The following NUDT2 variants were observed in gnomAD, a reference collection of about 807,000 sequenced individuals.
NUDT2 encodes nudix hydrolase 2, also known as bis(5'-nucleosyl)-tetraphosphatase [asymmetrical].
In NUDT2, 12 loss-of-function variants were observed where a neutral mutation model predicts 14.2. That is an observed-to-expected ratio of 0.84 (90% CI 0.54 to 1.37). The LOEUF is 1.37. Among genes scored for constraint, NUDT2 ranks in the 40% most tolerant of loss-of-function variants. The pLI is 0.00. For synonymous variants in NUDT2, 67 were observed against 67.4 expected, an observed-to-expected ratio of 0.99 and a Z score of 0.03; for missense variants, 167 against 176.7, an observed-to-expected ratio of 0.95 and a Z score of 0.31.
chr9:34,343,111 T>G lies in NUDT2; in HGVS notation c.128-13T>G, dbSNP rs1207703805. On this transcript the variant is annotated splice_polypyrimidine_tract_variant and intron_variant, in intron 4 of 4. Coordinates refer to ENST00000379158, the MANE Select transcript of NUDT2 (RefSeq NM_001161.5). ...ATTTCCTCCTCCTTTTCTTCCTCTT[T>G]TCTCCTAACTAGGCCATGTGGAACC... The G allele has an allele frequency of 6.3e-7, 1 of 1,578,234 alleles. No homozygotes were observed. The highest frequency in any genetic ancestry group is 1.4e-5 in the African/African-American group (1 of 73,576).
chr9:34,338,137 A>G (rs1007389876), intron 2 of NUDT2, among the ~76,000 whole-genome samples: 2 of 138,822 alleles, frequency 1.4e-5, no homozygotes, highest in African/African-American at 5.4e-5. Flanking sequence ...TCTAGGCAAC[A>G]TAGTAAGTCC....
rs918478426 is a variant in NUDT2 at position 34,343,541 on chromosome 9, A to G, written c.*101A>G. The G allele has an allele frequency of 4.0e-5, 44 of 1,098,752 alleles. 1 individual carries two copies. The East Asian group carries it at 4.2e-4, about 10-fold the overall frequency. 68.1% of individuals were successfully genotyped at this position (1,098,752 alleles called of 1,614,324 possible). On this transcript the variant is annotated 3_prime_UTR_variant, in exon 5 of 5. Transcript: ENST00000379158. ...GGAAGGTTGTGCTGGTATTTGGCTCATGACAGCCAAGAGCAGATTTGTGAA... is the reference window on the plus strand; with the variant it reads ...GGAAGGTTGTGCTGGTATTTGGCTCGTGACAGCCAAGAGCAGATTTGTGAA...
At chr9:34,339,363 T>G (rs1838178531) in intron 4 of NUDT2, among the ~76,000 whole-genome samples, 197 bp downstream of exon 4, 1 of 152,152 alleles carries the variant, frequency 6.6e-6, no homozygotes, top group Non-Finnish European at 1.5e-5. Context: ...GTGACTGAAT[T>G]CCAGGGTAGA....
chr9:34,337,580 G>A (rs1164771859), intron 2 of NUDT2, among the ~76,000 whole-genome samples: 3 of 152,278 alleles, frequency 2.0e-5, no homozygotes, highest in South Asian at 4.2e-4. Context: ...GTGAGAAACC[G>A]CTATTCTCTA....
rs144168797 is a variant in NUDT2 at position 34,337,257 on chromosome 9, C to T, written c.-152+916C>T. ...TCAGGTGATCTACCCGCCTTGGCCT[C>T]CCAAAGTGCTGGGATTACAGGCATG... On this transcript the variant is annotated intron_variant, in intron 2 of 4. Coordinates refer to ENST00000379158, the MANE Select transcript of NUDT2 (RefSeq NM_001161.5). Among the ~76,000 whole-genome samples, 482 of 152,260 alleles carry T rather than the reference C, an allele frequency of 3.2e-3. 2 individuals carry two copies. Among genetic ancestry groups the T allele is most frequent in the African/African-American group, 0.011 (460 of 41,544 alleles).
At chr9:34,331,644 G>T (rs974489674) in intron 1 of NUDT2, among the ~76,000 whole-genome samples, 1 of 152,138 alleles carries the variant, frequency 6.6e-6, no homozygotes, top group Non-Finnish European at 1.5e-5. Flanking sequence ...AATTTTCACC[G>T]TGGTCTTGGT....
chr9:34,337,064 G>A (rs983867423), intron 2 of NUDT2, among the ~76,000 whole-genome samples: 3 of 136,240 alleles, frequency 2.2e-5, no homozygotes, highest in South Asian at 2.4e-4. Context: ...CAGTGGCCCC[G>A]TCTCGGCTCA....
rs533635585 is a variant in NUDT2 at position 34,334,298 on chromosome 9, T to G, written c.-264-1931T>G. 1.8e-4 allele frequency among the ~76,000 whole-genome samples: 27 copies of G among 152,316 alleles called. No homozygotes were observed. The East Asian group carries it at 5.0e-3, about 28-fold the overall frequency. On this transcript the variant is annotated intron_variant, in intron 1 of 4. Transcript: ENST00000379158. ...TAGCTTCTAGAACCTTCTAATGACA[T>G]TGAAGGTTTTTTTGTTCAGGTTTTT... is the stretch of plus-strand genomic sequence containing the variant.
intron 2 of NUDT2, among the ~76,000 whole-genome samples, chr9:34,336,913 C>T (rs905184606): frequency 1.3e-5 from 2 of 151,870 alleles, no homozygotes; most frequent in African/African-American, 4.8e-5. Context: ...TTGCCTATTC[C>T]CATATTGATG....
intron 4 of NUDT2, among the ~76,000 whole-genome samples, chr9:34,341,542 C>T (rs1037272691): frequency 3.9e-5 from 6 of 152,188 alleles, no homozygotes; most frequent in African/African-American, 1.4e-4. Context: ...CGGAGTCTCG[C>T]TCTGTTGCCC....
intron 1 of NUDT2, among the ~76,000 whole-genome samples, chr9:34,330,830 G>C (rs975936035): frequency 6.6e-6 from 1 of 151,960 alleles, no homozygotes; most frequent in Non-Finnish European, 1.5e-5. Flanking sequence ...GCGTGGTGGC[G>C]GGCGCCTGTG....
intron 4 of NUDT2, among the ~76,000 whole-genome samples, chr9:34,341,562 T>C (rs920129378): frequency 6.6e-6 from 1 of 152,154 alleles, no homozygotes; most frequent in Non-Finnish European, 1.5e-5. Context: ...CAAACTGGAG[T>C]ACAATGGCAC....
chr9:34,338,492 T>G, intron 2 of NUDT2, among the ~76,000 whole-genome samples: 1 of 147,468 alleles, frequency 6.8e-6, no homozygotes, highest in East Asian at 2.0e-4. Flanking sequence ...TGGTCAACAG[T>G]GCTAGACCCT....
intron 4 of NUDT2, among the ~76,000 whole-genome samples, chr9:34,339,995 G>A (rs1259940188): frequency 2.0e-5 from 3 of 151,866 alleles, no homozygotes; most frequent in African/African-American, 7.3e-5. Flanking sequence ...AGAGCAGTGG[G>A]GCAATCTCAG....
chr9:34,339,169 AG>A lies in NUDT2; in HGVS notation c.127+4del. The A allele has an allele frequency of 6.2e-7, 1 of 1,610,588 alleles. No individual in the cohort carries two copies. ...TCATCACTGGACTCCTCCCAAAGGTAGAGGCCAGAGGGGCCAGCTCTTGGGA... is the reference window on the plus strand; with the variant it reads ...TCATCACTGGACTCCTCCCAAAGGTAAGGCCAGAGGGGCCAGCTCTTGGGA... On this transcript the variant is annotated splice_donor_region_variant and intron_variant, in intron 4 of 4. Transcript: ENST00000379158.
chr9:34,342,223 C>T (rs1358201700), intron 4 of NUDT2, among the ~76,000 whole-genome samples: 2 of 152,188 alleles, frequency 1.3e-5, no homozygotes, highest in African/African-American at 4.8e-5. Flanking sequence ...TGGCTTTGCC[C>T]AGTAAGAAAG....
Position 34,343,508 on chromosome 9 carries a change from A to C in NUDT2, c.*68A>C. 1 of 1,369,188 alleles carries C rather than the reference A, an allele frequency of 7.3e-7. No individual in the cohort carries two copies. The highest frequency in any genetic ancestry group is 9.8e-7 in the Non-Finnish European group (1 of 1,021,014). 84.8% of individuals were successfully genotyped at this position (1,369,188 alleles called of 1,614,324 possible). ...GGCCTTCTAAGATGAAGCCACCCTC[A>C]GGTCCAGGGAAGGTTGTGCTGGTAT... On this transcript the variant is annotated 3_prime_UTR_variant, in exon 5 of 5. Coordinates refer to ENST00000379158, the MANE Select transcript of NUDT2 (RefSeq NM_001161.5).
intron 4 of NUDT2, among the ~76,000 whole-genome samples, chr9:34,342,034 G>A (rs201216809): frequency 0.012 from 1,770 of 152,308 alleles, 14 homozygotes; most frequent in Non-Finnish European, 0.018. Context: ...ATTTGTGGGA[G>A]GGGACTAGAG....
chr9:34,330,770 G>A (rs1453969888), intron 1 of NUDT2, among the ~76,000 whole-genome samples: 2 of 152,058 alleles, frequency 1.3e-5, no homozygotes, highest in African/African-American at 4.8e-5. Flanking sequence ...GACCATCCTG[G>A]CTGACACGGT....
Sources: allele counts gnomAD v4.1 joint callset (sites outside exome capture counted in the v4.1 genomes callset), GRCh38; gene constraint gnomAD v4.1.1; transcripts MANE v1.5; gene names NCBI Gene and HGNC (gene_info 2026-07-23, HGNC 2026-07-21).